FMN2: variants seen among roughly 807,000 people sequenced by gnomAD.
The protein encoded by FMN2 is formin 2.
Under a neutral mutation model 142.3 loss-of-function variants are expected in FMN2, and 51 were observed. The ratio of observed to expected loss-of-function variants is 0.36; its 90% CI spans 0.29 to 0.45. FMN2 has a LOEUF of 0.45. FMN2 is among the 20% of genes least tolerant of loss of function. The pLI, the probability that FMN2 is intolerant of heterozygous loss-of-function variation, is 1.00. For missense variants in FMN2, 1,936 were observed against 2,122.8 expected, an observed-to-expected ratio of 0.91 and a Z score of 1.73; for synonymous variants, 882 against 869.8, an observed-to-expected ratio of 1.01 and a Z score of -0.25.
chr1:240,180,405 G>A (rs1312475328), intron 3 of FMN2, among the ~76,000 whole-genome samples: 1 of 152,048 alleles, frequency 6.6e-6, no homozygotes, highest in Non-Finnish European at 1.5e-5. Context: ...GGGCATGTCA[G>A]TATCATAGGT....
chr1:240,377,493 C>T (rs988818512), intron 14 of FMN2, among the ~76,000 whole-genome samples: 2 of 152,020 alleles, frequency 1.3e-5, no homozygotes, highest in Non-Finnish European at 2.9e-5. Flanking sequence ...TCAAAATGGA[C>T]AAAAATTATA....
chr1:240,457,678 A>G (rs1231521823), intron 16 of FMN2: 1 of 152,230 alleles, frequency 6.6e-6, no homozygotes, highest in Non-Finnish European at 1.5e-5. Context: ...GGAATAAGCT[A>G]ATGGATATCT....
chr1:240,299,108 G>A (rs901538825), intron 8 of FMN2, among the ~76,000 whole-genome samples: 5 of 151,740 alleles, frequency 3.3e-5, no homozygotes, highest in Admixed American at 1.3e-4. Flanking sequence ...CCGCCACACC[G>A]GGCTAATTTT....
Position 240,191,081 on chromosome 1 carries a change from G to A in FMN2, c.1986+2819G>A, listed in dbSNP as rs1483468079. 3.3e-5 allele frequency among the ~76,000 whole-genome samples: 5 copies of A among 152,148 alleles called. No homozygotes were observed. The South Asian group carries it at 6.2e-4, about 19-fold the overall frequency. On this transcript the variant is annotated intron_variant, in intron 4 of 17. Transcript: ENST00000319653. ...TTTCTGGTCCATCAGCGTTGCCTGC[G>A]TTCTTCTGTGGTCGTAATGTGAGAT...
At chr1:240,125,668 G>T (rs1026109947) in intron 2 of FMN2, among the ~76,000 whole-genome samples, 1 of 152,142 alleles carries the variant, frequency 6.6e-6, no homozygotes, top group African/African-American at 2.4e-5. Flanking sequence ...CTTGCCAGTC[G>T]ATAAATGTAG....
chr1:240,323,199 C>A (rs1671039802), intron 8 of FMN2, among the ~76,000 whole-genome samples: 1 of 149,700 alleles, frequency 6.7e-6, no homozygotes, highest in East Asian at 2.0e-4. Flanking sequence ...TTCTTTCTCT[C>A]TCTCTCTCAC....
intron 2 of FMN2, among the ~76,000 whole-genome samples, chr1:240,139,573 AAAC>A (rs1438869705): frequency 6.6e-6 from 1 of 152,204 alleles, no homozygotes; most frequent in East Asian, 1.9e-4. Context: ...AAAGACAAAA[AAAC>A]AAGATATTTT....
rs1665562363 is a variant in FMN2, at chr1:240,188,228, A to G, written c.1952A>G (p.Glu651Gly). 1 of 1,613,862 alleles carries G rather than the reference A, an allele frequency of 6.2e-7. No individual in the cohort carries two copies. The highest frequency in any genetic ancestry group is 1.1e-5 in the South Asian group (1 of 91,060). The change falls in exon 4 of 18, where the codon GAA becomes GGA. Residue 651 changes from glutamate to glycine, a missense_variant. Around this residue, in one of 8 missense-constraint regions of FMN2, gnomAD observed 478 missense variants for 462.8 expected, o/e 1.03. Coordinates refer to ENST00000319653, the MANE Select transcript of FMN2 (RefSeq NM_020066.5). ...AETESQSAVS[E>G]TPQKRSDAVQ... ...CTAGAATCTCAATCTGCTGTTTCAG[A>G]AACTCCCCAAAAACGCTCAGATGCT...
chr1:240,333,807 CA>C (rs1173271135), intron 11 of FMN2, 79 bp from the exon 12 acceptor site: 1 of 1,088,138 alleles, frequency 9.2e-7, no homozygotes, highest in African/African-American at 1.6e-5. Context: ...TACATGAATT[CA>C]CTAGAATCTT....
At chr1:240,329,584 A>T in intron 10 of FMN2, 116 bp downstream of exon 10, 1 of 1,342,678 alleles carries the variant, frequency 7.4e-7, no homozygotes, top group Non-Finnish European at 1.0e-6. Flanking sequence ...AATTTGAAGG[A>T]TCGCAGTCCC....
intron 1 of FMN2, among the ~76,000 whole-genome samples, chr1:240,109,117 T>C (rs1661714229): frequency 6.6e-6 from 1 of 152,198 alleles, no homozygotes; most frequent in African/African-American, 2.4e-5. Context: ...TATTAAAATA[T>C]AAGTTTCAAA....
At chr1:240,313,785 T>C (rs1349302054) in intron 8 of FMN2, among the ~76,000 whole-genome samples, 1 of 152,102 alleles carries the variant, frequency 6.6e-6, no homozygotes, top group East Asian at 1.9e-4. Flanking sequence ...CTGGCCAACC[T>C]GGTGAAACCC....
At chr1:240,271,054 A>G (rs1367589491) in intron 7 of FMN2, among the ~76,000 whole-genome samples, 1 of 145,842 alleles carries the variant, frequency 6.9e-6, no homozygotes, top group Non-Finnish European at 1.5e-5. Context: ...TTCTTTAAAA[A>G]TCTGCAAATA....
intron 6 of FMN2, among the ~76,000 whole-genome samples, chr1:240,222,505 GT>G (rs150906512): frequency 2.7e-5 from 4 of 150,170 alleles, no homozygotes; most frequent in South Asian, 2.1e-4. Context: ...ATTTAAAGTA[GT>G]TTTTTTTTTA....
At chr1:240,093,899 G>A (rs1299521326) in intron 1 of FMN2, among the ~76,000 whole-genome samples, 175 bp downstream of exon 1, 1 of 152,166 alleles carries the variant, frequency 6.6e-6, no homozygotes, top group Non-Finnish European at 1.5e-5. Flanking sequence ...GAAATGACTT[G>A]GACATACTTG....
rs1009603536 is a variant in FMN2 at position 240,132,103 on chromosome 1, C to A, written c.1782+8758C>A. Among the ~76,000 whole-genome samples, 11 of 152,114 alleles carry A rather than the reference C, an allele frequency of 7.2e-5. 1 individual carries two copies. The South Asian group carries it at 2.3e-3, about 32-fold the overall frequency. On this transcript the variant is annotated intron_variant, in intron 2 of 17. Transcript: ENST00000319653. ...TGTGAGGAAGTGGAGTAGATGATTT[C>A]TTTGAGTTTCTGGTTCACATTTCTG...
chr1:240,324,198 C>T (rs1192011052), intron 8 of FMN2, among the ~76,000 whole-genome samples: 1 of 152,104 alleles, frequency 6.6e-6, no homozygotes, highest in Non-Finnish European at 1.5e-5. Flanking sequence ...AGAGATCTCC[C>T]CATCTGGACA....
Position 240,123,347 on chromosome 1 carries a change from T to G in FMN2, c.1782+2T>G, listed in dbSNP as rs755471888. The G allele has an allele frequency of 6.2e-7, 1 of 1,612,522 alleles. No homozygotes were observed. The highest frequency in any genetic ancestry group is 8.5e-7 in the Non-Finnish European group (1 of 1,179,068). On this transcript the variant is annotated splice_donor_variant, in intron 2 of 17. Transcript: ENST00000319653. LOFTEE classifies it high-confidence loss of function. ...CAGACGAATGCAGCTTCGTTTGATG[T>G]AAGTAGGAGAATTCACTTCTGTCCG...
At chr1:240,437,119 C>A (rs1426834760) in intron 15 of FMN2, among the ~76,000 whole-genome samples, 1 of 152,048 alleles carries the variant, frequency 6.6e-6, no homozygotes, top group Non-Finnish European at 1.5e-5. Context: ...TGTCAAATAA[C>A]CACTTTGAAA....
Sources: gnomAD v4.1 joint callset for allele counts (sites outside exome capture counted in the v4.1 genomes callset) on GRCh38, gnomAD v4.1.1 for gene constraint, gnomAD v4.1.1 regional missense constraint, MANE v1.5 for transcripts, NCBI Gene and HGNC (gene_info 2026-07-23, HGNC 2026-07-21) for gene names.